Variants in TCFL5 observed in about 807,000 individuals in gnomAD.
TCFL5 encodes the protein transcription factor-like 5 protein.
A neutral mutation model predicts 44.3 loss-of-function variants in TCFL5; 9 were observed. The observed-to-expected ratio is 0.20, with a 90% CI of 0.12 to 0.35. The LOEUF is 0.35. Ranked by LOEUF, TCFL5 falls within the 10% of genes least tolerant of loss-of-function variation. The probability of loss-of-function intolerance (pLI) is 1.00; values close to 1 mark genes in which losing one functional copy is unlikely to be tolerated. For synonymous variants in TCFL5, 319 were observed against 271.6 expected (o/e 1.17, Z -1.72); for missense variants, 603 against 613.4 (o/e 0.98, Z 0.18).
chr20:62,845,847 G>C (rs766307134), intron 5 of TCFL5: 2 of 1,589,936 alleles, frequency 1.3e-6, no homozygotes, highest in African/African-American at 1.3e-5. Flanking sequence ...TTATGACAAA[G>C]ATCAGTTTGC....
At chr20:62,854,371 G>A (rs867976376) in intron 4 of TCFL5, among the ~76,000 whole-genome samples, 7 of 152,172 alleles carry the variant, frequency 4.6e-5, no homozygotes, top group South Asian at 2.1e-4. Context: ...GAGCATCCTC[G>A]GGTGCCCTTG....
At position 62,851,933 on chromosome 20, in the gene TCFL5, T is replaced by C. The variant is rs181960219; in HGVS notation, c.1380+2083A>G. On this transcript the variant is annotated intron_variant, in intron 5 of 5. Coordinates refer to ENST00000335351, the MANE Select transcript of TCFL5 (RefSeq NM_006602.4). ...CAACAATTCTCCTGCTTCAACCTCCTGAGTAGCTGGGACTACAGGCGCCAC... is the reference window on the plus strand; with the variant it reads ...CAACAATTCTCCTGCTTCAACCTCCCGAGTAGCTGGGACTACAGGCGCCAC... 410 of 793,394 alleles carry C rather than the reference T, an allele frequency of 5.2e-4. 2 individuals carry two copies. The African/African-American group carries it at 5.5e-3, about 11-fold the overall frequency. 49.1% of individuals were successfully genotyped at this position (793,394 alleles called of 1,614,324 possible).
chr20:62,854,385 G>A (rs2147272834), intron 4 of TCFL5, among the ~76,000 whole-genome samples: 1 of 152,312 alleles, frequency 6.6e-6, no homozygotes, highest in Non-Finnish European at 1.5e-5. Context: ...GCCCTTGGCG[G>A]CCCCATGACC....
In TCFL5 at chr20:62,841,527, TA is replaced by T. The variant is rs1462952595; in HGVS notation, c.*447del. ...AGGGGGTGTGATATAACGAATGAAATAAAATTTCCAAACTGTTTTTAGTTAA... is the reference window on the plus strand; with the variant it reads ...AGGGGGTGTGATATAACGAATGAAATAAATTTCCAAACTGTTTTTAGTTAA... On this transcript the variant is annotated 3_prime_UTR_variant, in exon 6 of 6. Coordinates refer to ENST00000335351, the MANE Select transcript of TCFL5 (RefSeq NM_006602.4). 1 of 155,172 alleles carries T rather than the reference TA, an allele frequency of 6.4e-6. No homozygotes were observed. Among genetic ancestry groups the T allele is most frequent in the Non-Finnish European group, 1.4e-5 (1 of 69,990 alleles). 9.6% of individuals were successfully genotyped at this position (155,172 alleles called of 1,614,324 possible). A position where few individuals can be genotyped will look rare whatever the true frequency, so the allele number is the denominator to read the frequency against.
chr20:62,841,920 G>A lies in TCFL5; in HGVS notation c.*55C>T. The A allele has an allele frequency of 6.2e-7, 1 of 1,604,458 alleles. No individual in the cohort carries two copies. Among genetic ancestry groups the A allele is most frequent in the Non-Finnish European group, 8.5e-7 (1 of 1,175,898 alleles). On this transcript the variant is annotated 3_prime_UTR_variant, in exon 6 of 6. Transcript: ENST00000335351. ...AGAGCTCCAGGGTTGCAGAAGGCGTGCACAGGTCACGAAGGAATGGCTGTT... is the reference window on the plus strand; with the variant it reads ...AGAGCTCCAGGGTTGCAGAAGGCGTACACAGGTCACGAAGGAATGGCTGTT...
At chr20:62,847,413 T>G (rs1352110998) in intron 5 of TCFL5, among the ~76,000 whole-genome samples, 1 of 151,972 alleles carries the variant, frequency 6.6e-6, no homozygotes, top group African/African-American at 2.4e-5. Context: ...AAGAGCAAAT[T>G]ATGATGGAAA....
In TCFL5 at chr20:62,841,725, A is replaced by G. The variant is rs1240814557; in HGVS notation, c.*250T>C. The stretch of plus-strand genomic sequence containing the variant: ...GAGAAAATGCTTACTAATTATTACT[A>G]ATTAATTATTACTAATTATTAAGAT... On this transcript the variant is annotated 3_prime_UTR_variant, in exon 6 of 6. Transcript: ENST00000335351. 1.3e-5 allele frequency: 4 copies of G among 298,154 alleles called. No homozygotes were observed. Among genetic ancestry groups the G allele is most frequent in the Non-Finnish European group, 2.5e-5 (4 of 163,214 alleles). 18.5% of individuals were successfully genotyped at this position (298,154 alleles called of 1,614,324 possible). A position where few individuals can be genotyped will look rare whatever the true frequency, so the allele number is the denominator to read the frequency against.
In TCFL5 at chr20:62,842,662, CT is replaced by C. The variant is rs2147240453; in HGVS notation, c.1381-566del. Among the ~76,000 whole-genome samples the C allele has an allele frequency of 6.6e-6, 1 of 152,288 alleles. No homozygotes were observed. The highest frequency in any genetic ancestry group is 1.9e-4 in the East Asian group (1 of 5,192). On this transcript the variant is annotated intron_variant, in intron 5 of 5. Transcript: ENST00000335351. This position sits in a 1 kb window ranked among gnomAD's most constrained non-coding sequence, Gnocchi z 4.3. ...CTTGTGACCCCAGCTACTTGGGAGG[CT>C]GAGGCAGGACAATCTCTTGAGCCTG... is the stretch of plus-strand genomic sequence containing the variant.
chr20:62,856,757 G>A (rs2063898948), intron 4 of TCFL5, among the ~76,000 whole-genome samples: 1 of 150,072 alleles, frequency 6.7e-6, no homozygotes, highest in South Asian at 2.1e-4. Flanking sequence ...AACTCAAGCT[G>A]GCTGGTAAGC....
intron 5 of TCFL5, among the ~76,000 whole-genome samples, chr20:62,851,100 ACT>A (rs1299856766): frequency 7.9e-5 from 12 of 152,024 alleles, no homozygotes; most frequent in Non-Finnish European, 1.6e-4. Context: ...ATCACTTAAA[ACT>A]CTCATGTATT....
At chr20:62,860,846 G>A (rs1347950139) in intron 1 of TCFL5, among the ~76,000 whole-genome samples, 178 bp downstream of exon 1, 3 of 152,066 alleles carry the variant, frequency 2.0e-5, no homozygotes, top group Non-Finnish European at 2.9e-5. Context: ...CCCGGGGCCC[G>A]CACAGCGCAC....
At chr20:62,851,584 A>G in intron 5 of TCFL5, 1 of 985,380 alleles carries the variant, frequency 1.0e-6, no homozygotes, top group Non-Finnish European at 1.2e-6. Context: ...AAATAACCAT[A>G]AACGATCCGA....
At chr20:62,855,977 G>A (rs948798976) in intron 4 of TCFL5, among the ~76,000 whole-genome samples, 4 of 152,076 alleles carry the variant, frequency 2.6e-5, no homozygotes, top group Admixed American at 2.6e-4. Context: ...TAGGCCGGGT[G>A]TGGTGGCTCA....
intron 5 of TCFL5, chr20:62,846,191 G>C: frequency 3.7e-5 from 37 of 991,804 alleles, no homozygotes; most frequent in Non-Finnish European, 4.5e-5. Flanking sequence ...AAGGAAGGAA[G>C]AAAATAATCA....
At chr20:62,850,044 G>A (rs116065043) in intron 5 of TCFL5, among the ~76,000 whole-genome samples, 1,642 of 152,272 alleles carry the variant, frequency 0.011, 38 homozygotes, top group African/African-American at 0.037. Flanking sequence ...AATCTGAATA[G>A]TCTGTGCATT....
intron 5 of TCFL5, among the ~76,000 whole-genome samples, chr20:62,843,458 A>T (rs2063702346): frequency 1.3e-5 from 2 of 151,914 alleles, no homozygotes; most frequent in Admixed American, 6.5e-5. Context: ...GGGATAGGTG[A>T]AACAAGCTGA....
At chr20:62,847,518 G>A (rs2063758858) in intron 5 of TCFL5, among the ~76,000 whole-genome samples, 1 of 152,376 alleles carries the variant, frequency 6.6e-6, no homozygotes, top group Admixed American at 6.5e-5. Context: ...GGGTACAGCA[G>A]ACCAAGGAGC....
chr20:62,854,450 C>T (rs1165828612), intron 4 of TCFL5, among the ~76,000 whole-genome samples: 1 of 152,212 alleles, frequency 6.6e-6, no homozygotes, highest in Non-Finnish European at 1.5e-5. Context: ...GTTCAAGTCT[C>T]TAGATTAGGG....
intron 5 of TCFL5, chr20:62,852,974 A>G: frequency 7.8e-7 from 1 of 1,288,486 alleles, no homozygotes; most frequent in Non-Finnish European, 1.0e-6. Context: ...AAGCATGGTC[A>G]CCCGGTCGGC....
Sources: allele counts gnomAD v4.1 joint callset (sites outside exome capture counted in the v4.1 genomes callset), GRCh38; gene constraint gnomAD v4.1.1; non-coding constraint Gnocchi (gnomAD v3.1); transcripts MANE v1.5; gene names NCBI Gene and HGNC (gene_info 2026-07-23, HGNC 2026-07-21).